The following STARD13 variants were observed in gnomAD, a reference collection of about 807,000 sequenced individuals.
The protein encoded by STARD13 is stAR-related lipid transfer protein 13.
A neutral mutation model predicts 106.4 loss-of-function variants in STARD13; 62 were observed. That is an observed-to-expected ratio of 0.58 (90% CI 0.48 to 0.72). STARD13 has a LOEUF of 0.72. Ranked by LOEUF, STARD13 falls within the 30% of genes least tolerant of loss-of-function variation. The probability of loss-of-function intolerance (pLI) is 0.00; values close to 1 mark genes in which losing one functional copy is unlikely to be tolerated. For synonymous variants in STARD13, 565 were observed against 553.0 expected (o/e 1.02, Z -0.31); for missense variants, 1,387 against 1,424.0 (o/e 0.97, Z 0.42).
chr13:33,668,872 C>CA, the STARD13 span, among the ~76,000 whole-genome samples: 1 of 152,128 alleles, frequency 6.6e-6, no homozygotes. Context: ...CTAAAAACAG[C>CA]AAAAATAGCA....
the STARD13 span, among the ~76,000 whole-genome samples, chr13:33,468,309 T>A: frequency 6.6e-6 from 1 of 152,240 alleles, no homozygotes; most frequent in Non-Finnish European, 1.5e-5. Flanking sequence ...AGCTTTTACC[T>A]TTTACTGCTC....
rs916112280 is a variant in STARD13 at position 33,325,515 on chromosome 13, AT to A, written c.124+24774del. Reference sequence around the variant, plus strand: ...CTTTTTATCTGAGGTACTTTAAAGAATTTTTTTTTATCCCCTTCCCTTTGGT... The same window carrying A: ...CTTTTTATCTGAGGTACTTTAAAGAATTTTTTTTATCCCCTTCCCTTTGGT... On this transcript the variant is annotated intron_variant, in intron 1 of 5. Transcript: ENST00000567873. 2.1e-4 allele frequency among the ~76,000 whole-genome samples: 32 copies of A among 151,948 alleles called. No homozygotes were observed. The South Asian group carries it at 3.5e-3, about 17-fold the overall frequency.
chr13:33,440,869 G>T, the STARD13 span, among the ~76,000 whole-genome samples: 1 of 145,246 alleles, frequency 6.9e-6, no homozygotes, highest in South Asian at 2.2e-4. Context: ...GCCCACCTCG[G>T]CCTCTCAAAG....
chr13:33,580,272 C>T, the STARD13 span, among the ~76,000 whole-genome samples: 15 of 151,826 alleles, frequency 9.9e-5, no homozygotes, highest in African/African-American at 3.4e-4. Context: ...ATACATACTG[C>T]CGAGTGAAAA....
chr13:33,632,700 T>G, the STARD13 span, among the ~76,000 whole-genome samples: 1 of 152,226 alleles, frequency 6.6e-6, no homozygotes, highest in Non-Finnish European at 1.5e-5. Flanking sequence ...GGTTTTACTC[T>G]GCTAGAAAAA....
chr13:33,348,020 G>A (rs910327920), downstream of STARD13, among the ~76,000 whole-genome samples: 2 of 152,216 alleles, frequency 1.3e-5, no homozygotes, highest in African/African-American at 4.8e-5. Flanking sequence ...AGTTGGCCTG[G>A]TTTTGTGGCA....
intron 3 of STARD13, chr13:33,164,360 G>A (rs1441635991): frequency 6.6e-6 from 1 of 152,200 alleles, no homozygotes; most frequent in Non-Finnish European, 1.5e-5. Flanking sequence ...GTCTTCATAA[G>A]TTTTGCTAAT....
intron 1 of STARD13, among the ~76,000 whole-genome samples, chr13:33,170,516 C>A (rs1001485655): frequency 6.6e-6 from 1 of 152,102 alleles, no homozygotes; most frequent in Non-Finnish European, 1.5e-5. Context: ...TAACCAGAAC[C>A]CAGATAAATC....
At chr13:33,350,580 A>G in exon 1 of STARD13, 1 of 1,387,882 alleles carries the variant, frequency 7.2e-7, no homozygotes, top group Non-Finnish European at 9.3e-7. Context: ...AGGCTGCGCC[A>G]CGCGCGAGGA....
chr13:33,499,761 C>CT, the STARD13 span, among the ~76,000 whole-genome samples: 1,728 of 94,562 alleles, frequency 0.018, 117 homozygotes, highest in African/African-American at 0.065. Flanking sequence ...CTTCTTCTTT[C>CT]TTTTTTTTTT....
intron 10 of STARD13, 77 bp from the exon 11 acceptor site, chr13:33,110,984 C>T (rs1874469175): frequency 7.5e-7 from 1 of 1,336,278 alleles, no homozygotes; most frequent in Non-Finnish European, 1.1e-6. Flanking sequence ...AAAGCCATTT[C>T]ACCCACAACC....
chr13:33,350,461 C>T, exon 1 of STARD13: 1 of 1,502,744 alleles, frequency 6.7e-7, no homozygotes, highest in Non-Finnish European at 8.9e-7. Flanking sequence ...CCGCCACTCC[C>T]GCGTGGCCCG....
chr13:33,590,482 A>G, the STARD13 span, among the ~76,000 whole-genome samples: 1 of 151,942 alleles, frequency 6.6e-6, no homozygotes, highest in Admixed American at 6.6e-5. Context: ...GGATTAAGAA[A>G]ATGTGGCACA....
chr13:33,438,345 T>C, the STARD13 span, among the ~76,000 whole-genome samples: 2 of 152,184 alleles, frequency 1.3e-5, no homozygotes, highest in African/African-American at 4.8e-5. Flanking sequence ...TTAATTCAAG[T>C]TGGAATTTCA....
chr13:33,149,568 A>G (rs1880993538), intron 3 of STARD13, among the ~76,000 whole-genome samples: 1 of 152,228 alleles, frequency 6.6e-6, no homozygotes, highest in Admixed American at 6.5e-5. Context: ...ATTTCAAACA[A>G]CCATCCAAAT....
the STARD13 span, among the ~76,000 whole-genome samples, chr13:33,659,236 T>TTTA: frequency 2.6e-3 from 363 of 138,542 alleles, 23 homozygotes; most frequent in African/African-American, 7.2e-3. Flanking sequence ...TTTTTTTTTT[T>TTTA]ATGAAGTCTT....
the STARD13 span, among the ~76,000 whole-genome samples, chr13:33,470,716 T>C: frequency 2.0e-5 from 3 of 152,256 alleles, no homozygotes; most frequent in African/African-American, 7.2e-5. Context: ...GCTGCATAAA[T>C]GTCTTCTTTT....
chr13:33,384,828 A>C, the STARD13 span, among the ~76,000 whole-genome samples: 3 of 152,146 alleles, frequency 2.0e-5, no homozygotes, highest in Non-Finnish European at 4.4e-5. Flanking sequence ...GGAGGGACTT[A>C]GTTAAATGTG....
chr13:33,199,265 T>A (rs955126076), intron 1 of STARD13, among the ~76,000 whole-genome samples: 3 of 152,256 alleles, frequency 2.0e-5, no homozygotes, highest in African/African-American at 7.2e-5. Flanking sequence ...TTTCTTGAAT[T>A]GTGTCCATAT....
Sources: allele counts gnomAD v4.1 joint callset (sites outside exome capture counted in the v4.1 genomes callset), GRCh38; gene constraint gnomAD v4.1.1; transcripts MANE v1.5; gene names NCBI Gene and HGNC (gene_info 2026-07-23, HGNC 2026-07-21).